SCHIP1: variants seen among roughly 807,000 people sequenced by gnomAD.
SCHIP1 encodes the protein schwannomin-interacting protein 1.
A neutral mutation model predicts 29.7 loss-of-function variants in SCHIP1; 8 were observed. The ratio of observed to expected loss-of-function variants is 0.27; its 90% CI spans 0.16 to 0.49. The LOEUF (loss-of-function observed/expected upper bound fraction) is 0.49. Among genes scored for constraint, SCHIP1 ranks in the 20% least tolerant of loss-of-function variants. The probability of loss-of-function intolerance (pLI) is 0.99; values close to 1 mark genes in which losing one functional copy is unlikely to be tolerated. For missense variants in SCHIP1, 193 were observed against 294.6 expected (o/e 0.66, Z 2.52); for synonymous variants, 76 against 94.9 (o/e 0.80, Z 1.16).
At chr3:159,521,231 A>C in the SCHIP1 span, among the ~76,000 whole-genome samples, 1 of 152,196 alleles carries the variant, frequency 6.6e-6, no homozygotes. Flanking sequence ...TTAATGGATA[A>C]ATACTCTTAT....
At chr3:159,531,568 G>A in the SCHIP1 span, among the ~76,000 whole-genome samples, 1 of 152,188 alleles carries the variant, frequency 6.6e-6, no homozygotes, top group African/African-American at 2.4e-5. Flanking sequence ...TACAAAAACT[G>A]ATGGGCCAGT....
At chr3:159,570,090 G>A in the SCHIP1 span, among the ~76,000 whole-genome samples, 158 of 152,258 alleles carry the variant, frequency 1.0e-3, no homozygotes, top group Non-Finnish European at 1.8e-3. Flanking sequence ...CCATTCTGTA[G>A]GTTGCCTCTT....
the SCHIP1 span, among the ~76,000 whole-genome samples, chr3:159,434,613 A>G: frequency 1.3e-5 from 2 of 152,128 alleles, no homozygotes; most frequent in African/African-American, 4.8e-5. Flanking sequence ...AGGAATTTCC[A>G]TGTGCCTGTC....
At chr3:159,824,718 C>G in the SCHIP1 span, among the ~76,000 whole-genome samples, 1 of 152,188 alleles carries the variant, frequency 6.6e-6, no homozygotes, top group Non-Finnish European at 1.5e-5. Context: ...CAAATATTTC[C>G]TAGAGGGACA....
At chr3:159,738,217 T>G in the SCHIP1 span, among the ~76,000 whole-genome samples, 5 of 151,574 alleles carry the variant, frequency 3.3e-5, no homozygotes, top group Admixed American at 2.6e-4. Context: ...TAGAAATTGT[T>G]TTTCAGATCT....
At chr3:159,639,657 A>C in the SCHIP1 span, among the ~76,000 whole-genome samples, 1 of 152,218 alleles carries the variant, frequency 6.6e-6, no homozygotes, top group Non-Finnish European at 1.5e-5. Context: ...CAATTTATAC[A>C]TTAAAGGAAC....
the SCHIP1 span, among the ~76,000 whole-genome samples, chr3:159,688,587 A>G: frequency 6.6e-6 from 1 of 152,028 alleles, no homozygotes; most frequent in East Asian, 1.9e-4. Context: ...GCTGTGCAGA[A>G]GCTCTTTTGT....
the SCHIP1 span, among the ~76,000 whole-genome samples, chr3:159,760,293 A>G: frequency 6.6e-6 from 1 of 152,182 alleles, no homozygotes; most frequent in Non-Finnish European, 1.5e-5. Flanking sequence ...ATACTGCCCA[A>G]GGAGCCTCTG....
At chr3:159,432,286 ATGTGTGTGTGTGTGTGTGTGTG>A in the SCHIP1 span, among the ~76,000 whole-genome samples, 96 of 108,158 alleles carry the variant, frequency 8.9e-4, no homozygotes, top group Middle Eastern at 9.8e-3. Flanking sequence ...AGAGTAGGTG[ATGTGTGTGTGTGTGTGTGTGTG>A]TGTGTGTGTG....
chr3:159,733,523 C>A, the SCHIP1 span, among the ~76,000 whole-genome samples: 3 of 152,168 alleles, frequency 2.0e-5, no homozygotes, highest in Non-Finnish European at 4.4e-5. Flanking sequence ...GCTTGGGGTC[C>A]TCTTTCCTCC....
At position 159,845,157 on chromosome 3, in the gene SCHIP1, A is replaced by G. The variant is rs536420354; in HGVS notation, c.30+4943A>G. ...ACAGTGCCATCAGTTCTTAGCTGCA[A>G]TGCCTCAGGCTGAGATGTCTCCTAC... On this transcript the variant is annotated intron_variant, in intron 1 of 6. Transcript: ENST00000445224. Among the ~76,000 whole-genome samples the G allele has an allele frequency of 1.3e-4, 20 of 152,268 alleles. No individual in the cohort carries two copies. The South Asian group carries it at 3.9e-3, about 30-fold the overall frequency.
chr3:159,879,572 A>G (rs1716230255), intron 2 of SCHIP1, among the ~76,000 whole-genome samples: 1 of 152,224 alleles, frequency 6.6e-6, no homozygotes, highest in African/African-American at 2.4e-5. Flanking sequence ...TTAACATGGA[A>G]GTAGATAACA....
chr3:159,723,296 A>T, the SCHIP1 span, among the ~76,000 whole-genome samples: 2 of 152,244 alleles, frequency 1.3e-5, no homozygotes, highest in Admixed American at 1.3e-4. Context: ...CACCATCCAC[A>T]TATTTTTATT....
At chr3:159,737,990 T>G in the SCHIP1 span, among the ~76,000 whole-genome samples, 1 of 152,232 alleles carries the variant, frequency 6.6e-6, no homozygotes, top group African/African-American at 2.4e-5. Flanking sequence ...GAAAGACATG[T>G]ATTTAAGTTT....
the SCHIP1 span, among the ~76,000 whole-genome samples, chr3:159,711,205 TAAAAAA>T: frequency 9.5e-5 from 12 of 126,838 alleles, 2 homozygotes; most frequent in South Asian, 1.2e-3. Flanking sequence ...TTAAGAAATT[TAAAAAA>T]TTAGCCGGGC....
the SCHIP1 span, among the ~76,000 whole-genome samples, chr3:159,283,168 T>C: frequency 6.6e-6 from 1 of 152,232 alleles, no homozygotes; most frequent in Non-Finnish European, 1.5e-5. Flanking sequence ...TTTTATTTTT[T>C]TTGAGACGGA....
chr3:159,846,304 C>T (rs926737192), intron 1 of SCHIP1, among the ~76,000 whole-genome samples: 4 of 152,118 alleles, frequency 2.6e-5, no homozygotes, highest in African/African-American at 9.7e-5. Context: ...AAAAGACACC[C>T]TGTGTTGCTC....
the SCHIP1 span, among the ~76,000 whole-genome samples, chr3:159,575,161 G>T: frequency 6.6e-6 from 1 of 152,208 alleles, no homozygotes; most frequent in Non-Finnish European, 1.5e-5. Flanking sequence ...AGTTGGAAAT[G>T]CAGAAATCAC....
At chr3:159,463,488 G>A in the SCHIP1 span, among the ~76,000 whole-genome samples, 1 of 152,024 alleles carries the variant, frequency 6.6e-6, no homozygotes, top group Non-Finnish European at 1.5e-5. Context: ...TGAGGGTCAG[G>A]GAAGTGAAGA....
Sources: gnomAD v4.1 joint callset for allele counts (sites outside exome capture counted in the v4.1 genomes callset) on GRCh38, gnomAD v4.1.1 for gene constraint, MANE v1.5 for transcripts, NCBI Gene and HGNC (gene_info 2026-07-23, HGNC 2026-07-21) for gene names.